DLGAP2: variants seen among roughly 807,000 people sequenced by gnomAD.
DLGAP2 encodes DLG associated protein 2.
A neutral mutation model predicts 100.3 loss-of-function variants in DLGAP2; 26 were observed. That is an observed-to-expected ratio of 0.26 (90% CI 0.19 to 0.36). The LOEUF is 0.36. Among genes scored for constraint, DLGAP2 ranks in the 10% least tolerant of loss-of-function variants. DLGAP2 has a pLI of 1.00. For missense variants in DLGAP2, 1,858 were observed against 1,453.2 expected (o/e 1.28, Z -4.53); for synonymous variants, 886 against 630.1 (o/e 1.41, Z -6.08).
Position 1,668,688 on chromosome 8 carries a change from C to G in DLGAP2, c.2160+10C>G, listed in dbSNP as rs1284590809. ...CTCCATCGGGATTCAGGTAGCTGCT[C>G]TTGGCCGCCCGTCAGGGCCTCGCTC... is the stretch of plus-strand genomic sequence containing the variant. On this transcript the variant is annotated intron_variant, in intron 9 of 14. Transcript: ENST00000637795. The G allele has an allele frequency of 1.3e-5, 19 of 1,514,438 alleles. No homozygotes were observed. Among genetic ancestry groups the G allele is most frequent in the Non-Finnish European group, 1.6e-5 (18 of 1,127,726 alleles). The allele number at this position is 1,514,438 out of a possible 1,614,324, so 93.8% of individuals were successfully genotyped here.
chr8:1,486,372 C>A (rs1338496998), intron 3 of DLGAP2, among the ~76,000 whole-genome samples: 1 of 152,198 alleles, frequency 6.6e-6, no homozygotes, highest in African/African-American at 2.4e-5. Flanking sequence ...GAAATCTCGG[C>A]TCCTGGAGGC....
chr8:1,520,180 C>T (rs1157907792), intron 4 of DLGAP2, among the ~76,000 whole-genome samples: 1 of 152,194 alleles, frequency 6.6e-6, no homozygotes, highest in Non-Finnish European at 1.5e-5. Context: ...AATGGTTCAT[C>T]AGCTATCGAT....
intron 4 of DLGAP2, among the ~76,000 whole-genome samples, chr8:1,512,576 A>T (rs1800206474): frequency 6.6e-6 from 1 of 152,016 alleles, no homozygotes; most frequent in Admixed American, 6.6e-5. Context: ...ACCTCACAGC[A>T]GCCTGCCGCA....
At chr8:1,536,305 A>T (rs1464446928) in intron 4 of DLGAP2, among the ~76,000 whole-genome samples, 2 of 152,090 alleles carry the variant, frequency 1.3e-5, no homozygotes, top group African/African-American at 4.8e-5. Flanking sequence ...ACTTCCCGGG[A>T]TTGTTAGCAG....
Position 1,348,519 on chromosome 8 carries a change from T to TG in DLGAP2, c.106+89636_106+89637insG, listed in dbSNP as rs1281062513. Among the ~76,000 whole-genome samples, 8 of 150,846 alleles carry TG rather than the reference T, an allele frequency of 5.3e-5. 1 individual carries two copies. The highest frequency in any genetic ancestry group is 1.0e-4 in the Non-Finnish European group (7 of 67,550). On this transcript the variant is annotated intron_variant, in intron 3 of 14. Transcript: ENST00000637795. ...AGCTACATTGCACTCATGATAGCTG[T>TG]TTGGAGATTGAGTTCCCACATAGAG... is the stretch of plus-strand genomic sequence containing the variant.
intron 3 of DLGAP2, among the ~76,000 whole-genome samples, chr8:1,328,931 C>A (rs953751368): frequency 6.6e-6 from 1 of 152,214 alleles, no homozygotes; most frequent in African/African-American, 2.4e-5. Context: ...GGGTCTGATC[C>A]TCTGCAGCAC....
chr8:870,520 C>G (rs760435652), intron 1 of DLGAP2, among the ~76,000 whole-genome samples: 1 of 152,140 alleles, frequency 6.6e-6, no homozygotes, highest in Non-Finnish European at 1.5e-5. Context: ...CCGTCTGTCT[C>G]CTCTCACTTC....
chr8:1,699,819 C>T (rs1389577605), intron 14 of DLGAP2, among the ~76,000 whole-genome samples: 3 of 152,242 alleles, frequency 2.0e-5, no homozygotes, highest in Middle Eastern at 3.4e-3. Context: ...ACCCACAGGC[C>T]TGGAAGCTCC....
chr8:869,992 T>C (rs1392476763), intron 1 of DLGAP2, among the ~76,000 whole-genome samples: 1 of 150,576 alleles, frequency 6.6e-6, no homozygotes, highest in Non-Finnish European at 1.5e-5. Flanking sequence ...CTGAGAAAGA[T>C]ACCGTGCCTA....
chr8:1,449,225 G>A (rs1798070647), intron 3 of DLGAP2, among the ~76,000 whole-genome samples: 1 of 152,192 alleles, frequency 6.6e-6, no homozygotes, highest in Non-Finnish European at 1.5e-5. Context: ...CTATTGCCAG[G>A]GAGGTTTTTA....
At position 1,565,699 on chromosome 8, in the gene DLGAP2, G is replaced by T. The variant is rs771365827; in HGVS notation, c.1247G>T (p.Trp416Leu). Residue 416 changes from tryptophan (W) to leucine (L), a missense_variant, in exon 6 of 15, where the codon TGG becomes TTG. Transcript: ENST00000637795. ...TGCTCCCAGGTACCTCAGGATGAGT[G>T]GGGAGGGTACCCCACCGGTGGCAAA... ...CHYLQVPQDEWGGYPTGGKDE... is the reference protein window; with the variant it reads ...CHYLQVPQDELGGYPTGGKDE... 1 of 1,612,968 alleles carries T rather than the reference G, an allele frequency of 6.2e-7. No homozygotes were observed. The highest frequency in any genetic ancestry group is 1.1e-5 in the South Asian group (1 of 90,834).
intron 2 of DLGAP2, among the ~76,000 whole-genome samples, chr8:1,211,093 G>A (rs1798094267): frequency 6.6e-6 from 1 of 152,224 alleles, no homozygotes; most frequent in South Asian, 2.1e-4. Flanking sequence ...ATGAGCTGTG[G>A]TTTGAGGACG....
chr8:1,011,443 C>G (rs1163519006), intron 2 of DLGAP2, among the ~76,000 whole-genome samples: 1 of 150,276 alleles, frequency 6.7e-6, no homozygotes, highest in Non-Finnish European at 1.5e-5. Context: ...GGGTCTCAGT[C>G]TACACAGTGA....
chr8:1,119,596 G>A (rs888556040), intron 2 of DLGAP2, among the ~76,000 whole-genome samples: 1 of 152,240 alleles, frequency 6.6e-6, no homozygotes, highest in Non-Finnish European at 1.5e-5. Flanking sequence ...GCCGTGCCTG[G>A]AACTGGTCCC....
intron 2 of DLGAP2, among the ~76,000 whole-genome samples, chr8:1,201,912 A>G (rs577384848): frequency 1.4e-4 from 21 of 151,864 alleles, no homozygotes; most frequent in African/African-American, 5.1e-4. Flanking sequence ...ATGTGTGCAC[A>G]TGTGTGGTAT....
At chr8:1,201,008 C>A (rs999802431) in intron 2 of DLGAP2, among the ~76,000 whole-genome samples, 1 of 152,160 alleles carries the variant, frequency 6.6e-6, no homozygotes, top group African/African-American at 2.4e-5. Context: ...CTCCCCGGAC[C>A]CCACCGTTAG....
chr8:937,188 A>C (rs1374184966), intron 2 of DLGAP2, among the ~76,000 whole-genome samples: 1 of 152,176 alleles, frequency 6.6e-6, no homozygotes, highest in Non-Finnish European at 1.5e-5. Flanking sequence ...TTGCTGTTGT[A>C]CTGGGAAAAT....
At chr8:1,571,316 A>C (rs1802664564) in intron 6 of DLGAP2, among the ~76,000 whole-genome samples, 4 of 104,246 alleles carry the variant, frequency 3.8e-5, no homozygotes, top group South Asian at 3.8e-4. Context: ...CGGGCATCTG[A>C]TGAGATGGGG....
intron 1 of DLGAP2, among the ~76,000 whole-genome samples, chr8:854,097 C>T (rs1041575719): frequency 6.6e-6 from 1 of 152,146 alleles, no homozygotes; most frequent in Non-Finnish European, 1.5e-5. Flanking sequence ...TTCCAGCCTC[C>T]AGAACCGTGG....
Sources: allele counts gnomAD v4.1 joint callset (sites outside exome capture counted in the v4.1 genomes callset), GRCh38; gene constraint gnomAD v4.1.1; transcripts MANE v1.5; gene names NCBI Gene and HGNC (gene_info 2026-07-23, HGNC 2026-07-21).